The following KAZN variants were observed in gnomAD, a reference collection of about 807,000 sequenced individuals.
KAZN encodes kazrin, periplakin interacting protein.
In KAZN, 40 loss-of-function variants were observed where a neutral mutation model predicts 87.4. The observed-to-expected ratio is 0.46, with a 90% CI of 0.36 to 0.60. The LOEUF is 0.60. Among genes scored for constraint, KAZN ranks in the 20% least tolerant of loss-of-function variants. The pLI is 0.00. For synonymous variants in KAZN, 466 were observed against 458.3 expected (o/e 1.02, Z -0.22); for missense variants, 898 against 1,073.9 (o/e 0.84, Z 2.29).
At chr1:15,032,119 C>T (rs576824716) in intron 2 of KAZN, among the ~76,000 whole-genome samples, 14 of 151,924 alleles carry the variant, frequency 9.2e-5, no homozygotes, top group Non-Finnish European at 1.3e-4. Context: ...CCCCCACACC[C>T]AGCCCGAGGC....
At chr1:14,688,521 T>G (rs1034201268) in intron 1 of KAZN, among the ~76,000 whole-genome samples, 5 of 152,340 alleles carry the variant, frequency 3.3e-5, no homozygotes, top group Admixed American at 1.3e-4. Flanking sequence ...CATCTTGTGT[T>G]AGAAATCTAT....
chr1:13,955,442 TA>T (rs1177864087), intron 1 of KAZN, among the ~76,000 whole-genome samples: 1 of 152,116 alleles, frequency 6.6e-6, no homozygotes, highest in Non-Finnish European at 1.5e-5. Flanking sequence ...TTAAAATTAT[TA>T]TTTTTTTAAA....
intron 2 of KAZN, among the ~76,000 whole-genome samples, chr1:14,532,064 G>A (rs574453554): frequency 6.6e-6 from 1 of 152,288 alleles, no homozygotes; most frequent in African/African-American, 2.4e-5. Flanking sequence ...GACAAAAGAA[G>A]TTGGAAACTC....
chr1:14,928,857 G>A (rs1381286481), intron 1 of KAZN, among the ~76,000 whole-genome samples: 1 of 152,192 alleles, frequency 6.6e-6, no homozygotes, highest in Admixed American at 6.5e-5. Flanking sequence ...GTCTCAACCT[G>A]TGGTCCGGCA....
intron 1 of KAZN, among the ~76,000 whole-genome samples, chr1:14,807,425 T>C (rs933160240): frequency 2.4e-4 from 36 of 152,334 alleles, no homozygotes; most frequent in African/African-American, 8.2e-4. Flanking sequence ...TTCTCTTAAC[T>C]GACTCTGGTC....
At chr1:14,853,240 G>A (rs754934447) in intron 1 of KAZN, among the ~76,000 whole-genome samples, 1 of 152,160 alleles carries the variant, frequency 6.6e-6, no homozygotes, top group South Asian at 2.1e-4. Flanking sequence ...ACAGTGTGAC[G>A]ACTGCTTTGA....
At chr1:14,301,657 G>A (rs773613653) in intron 2 of KAZN, among the ~76,000 whole-genome samples, 31 of 152,332 alleles carry the variant, frequency 2.0e-4, no homozygotes, top group Non-Finnish European at 4.0e-4. Context: ...GCAGCAGGAA[G>A]CATGCATTAA....
chr1:15,071,832 A>G (rs1171815389), intron 8 of KAZN, among the ~76,000 whole-genome samples: 1 of 152,210 alleles, frequency 6.6e-6, no homozygotes, highest in Non-Finnish European at 1.5e-5. Flanking sequence ...GATCACAGAA[A>G]ACACTGGCTG....
chr1:14,611,918 A>G (rs772151747), intron 1 of KAZN, among the ~76,000 whole-genome samples: 1 of 152,218 alleles, frequency 6.6e-6, no homozygotes, highest in East Asian at 1.9e-4. Flanking sequence ...CACTTCCTCA[A>G]ATCTGCTGTT....
chr1:14,969,013 A>C (rs1424611021), intron 2 of KAZN, among the ~76,000 whole-genome samples: 1 of 152,186 alleles, frequency 6.6e-6, no homozygotes, highest in East Asian at 1.9e-4. Context: ...AAGGAGTTCT[A>C]GGCTGCAGAG....
rs192157462 is a variant in KAZN at position 15,079,470 on chromosome 1, C to T, written c.1222+13717C>T. 1.3e-4 allele frequency among the ~76,000 whole-genome samples: 19 copies of T among 151,916 alleles called. No homozygotes were observed. In the East Asian group the frequency reaches 2.9e-3, roughly 23 times the overall value. On this transcript the variant is annotated intron_variant, in intron 8 of 14. Coordinates refer to ENST00000376030, the MANE Select transcript of KAZN (RefSeq NM_201628.3). Reference sequence around the variant, plus strand: ...GCTTATTTTTTTTTTTAGTGAAACCCAACATAATTTCAGATATTTTACTAA... The same window carrying T: ...GCTTATTTTTTTTTTTAGTGAAACCTAACATAATTTCAGATATTTTACTAA...
At chr1:14,340,410 G>A (rs149520953) in intron 2 of KAZN, among the ~76,000 whole-genome samples, 2 of 152,314 alleles carry the variant, frequency 1.3e-5, no homozygotes, top group African/African-American at 4.8e-5. Context: ...ATGTCAGCCT[G>A]GTAAAAGCAA....
chr1:14,761,733 C>T (rs767481789), intron 1 of KAZN, among the ~76,000 whole-genome samples: 39 of 152,198 alleles, frequency 2.6e-4, no homozygotes, highest in Non-Finnish European at 4.7e-4. Context: ...CCTGAGCAAC[C>T]CTCACTTTTC....
intron 2 of KAZN, among the ~76,000 whole-genome samples, chr1:14,269,322 A>AT (rs1651741258): frequency 7.1e-6 from 1 of 141,558 alleles, no homozygotes; most frequent in South Asian, 2.3e-4. Flanking sequence ...GTTGATAATG[A>AT]TAAAAAAAAA....
At chr1:13,974,861 C>T (rs1373844257) in intron 1 of KAZN, among the ~76,000 whole-genome samples, 1 of 152,170 alleles carries the variant, frequency 6.6e-6, no homozygotes, top group Non-Finnish European at 1.5e-5. Context: ...ACCTTGTAAA[C>T]CTTAGATACC....
chr1:14,377,396 G>T (rs1241054251), intron 2 of KAZN, among the ~76,000 whole-genome samples: 1 of 152,216 alleles, frequency 6.6e-6, no homozygotes, highest in Non-Finnish European at 1.5e-5. Context: ...AGAGCGATTG[G>T]TCTCATTCGC....
intron 1 of KAZN, among the ~76,000 whole-genome samples, chr1:14,754,129 G>C: frequency 6.6e-6 from 1 of 152,186 alleles, no homozygotes; most frequent in East Asian, 1.9e-4. Context: ...AGAGTTCTTG[G>C]CAGAGACCCC....
At chr1:13,921,959 A>G (rs535686016) in intron 1 of KAZN, among the ~76,000 whole-genome samples, 1 of 152,188 alleles carries the variant, frequency 6.6e-6, no homozygotes, top group Admixed American at 6.5e-5. Context: ...ATTACAGTCT[A>G]TGATCAGGTC....
At chr1:14,775,829 A>G (rs756116772) in intron 1 of KAZN, among the ~76,000 whole-genome samples, 14 of 152,200 alleles carry the variant, frequency 9.2e-5, no homozygotes, top group Non-Finnish European at 1.6e-4. Flanking sequence ...ACCACAGAGC[A>G]CGTCCTCCTA....
Sources: gnomAD v4.1 joint callset for allele counts (sites outside exome capture counted in the v4.1 genomes callset) on GRCh38, gnomAD v4.1.1 for gene constraint, MANE v1.5 for transcripts, NCBI Gene and HGNC (gene_info 2026-07-23, HGNC 2026-07-21) for gene names.